PCDHGA9: variants seen among roughly 807,000 people sequenced by gnomAD.
The protein encoded by PCDHGA9 is protocadherin gamma subfamily A, 9.
Under a neutral mutation model 62.5 loss-of-function variants are expected in PCDHGA9, and 37 were observed. That is an observed-to-expected ratio of 0.59 (90% confidence interval 0.46 to 0.78). PCDHGA9 has a LOEUF of 0.78. Among genes scored for constraint, PCDHGA9 ranks in the 30% least tolerant of loss-of-function variants. The probability of loss-of-function intolerance (pLI) is 0.00; values close to 1 mark genes in which losing one functional copy is unlikely to be tolerated. For missense variants in PCDHGA9, 1,138 were observed against 1,166.2 expected, an observed-to-expected ratio of 0.98 and a Z score of 0.35; for synonymous variants, 459 against 484.6, an observed-to-expected ratio of 0.95 and a Z score of 0.69.
intron 1 of PCDHGA9, chr5:141,415,744 T>TTTG (rs2095926305): frequency 2.5e-6 from 1 of 404,416 alleles, no homozygotes; most frequent in South Asian, 6.6e-5. Context: ...ATTAAGGTTT[T>TTTG]TTTTTTTTTT....
At chr5:141,510,040 G>A (rs2099879305) in intron 3 of PCDHGA9, among the ~76,000 whole-genome samples, 1 of 152,220 alleles carries the variant, frequency 6.6e-6, no homozygotes, top group Non-Finnish European at 1.5e-5. Flanking sequence ...GTTATGTAGA[G>A]GTTAAAAGTG....
intron 1 of PCDHGA9, among the ~76,000 whole-genome samples, chr5:141,467,087 C>T (rs1159093881): frequency 3.4e-5 from 5 of 147,240 alleles, no homozygotes; most frequent in African/African-American, 1.3e-4. Context: ...AAGTCTCACT[C>T]TGTCACACAG....
chr5:141,464,622 CT>C (rs947370342), intron 1 of PCDHGA9, among the ~76,000 whole-genome samples: 8 of 152,058 alleles, frequency 5.3e-5, no homozygotes, highest in African/African-American at 1.9e-4. Flanking sequence ...TATTGTCAAG[CT>C]TTTTAATTGT....
Position 141,403,339 on chromosome 5 carries a change from C to A in PCDHGA9, c.387C>A (p.Ser129Arg). 2 of 1,614,010 alleles carry A rather than the reference C, an allele frequency of 1.2e-6. No homozygotes were observed. Among genetic ancestry groups the A allele is most frequent in the Non-Finnish European group, 1.7e-6 (2 of 1,179,898 alleles). Residue 129 changes from serine (S) to arginine (R), a missense_variant, in exon 1 of 4, where the codon AGC (serine) becomes AGA (arginine). Transcript: ENST00000573521. ...TAGAAGTAACTGATATTAACGACAG[C>A]GCCCCAAAGTTCCAGGCCGAAAGTC... Reference protein sequence around the residue: ...IEIEVTDINDSAPKFQAESLE... With the variant: ...IEIEVTDINDRAPKFQAESLE...
chr5:141,511,358 G>T lies in PCDHGA9; in HGVS notation c.*185G>T, dbSNP rs905197337. 1.5e-6 allele frequency: 2 copies of T among 1,355,398 alleles called. No homozygotes were observed. Among genetic ancestry groups the T allele is most frequent in the East Asian group, 2.5e-5 (1 of 39,588 alleles). The allele number at this position is 1,355,398 out of a possible 1,614,324, so 84.0% of individuals were successfully genotyped here. ...GCACCTACCCCTTCCCCCCCAGGGGGTTGAATATGCAAAAGCAGTTCCGCT... is the reference window on the plus strand; with the variant it reads ...GCACCTACCCCTTCCCCCCCAGGGGTTTGAATATGCAAAAGCAGTTCCGCT... On this transcript the variant is annotated 3_prime_UTR_variant, in exon 4 of 4. Coordinates refer to ENST00000573521, the MANE Select transcript of PCDHGA9 (RefSeq NM_018921.3).
Position 141,485,863 on chromosome 5 carries a change from A to G in PCDHGA9, c.2425-8944A>G, listed in dbSNP as rs770864367. 78 of 1,614,054 alleles carry G rather than the reference A, an allele frequency of 4.8e-5. No individual in the cohort carries two copies. Among genetic ancestry groups the G allele is most frequent in the Non-Finnish European group, 6.0e-5 (71 of 1,180,040 alleles). ...GATCTGGCACCGCAGAGCTCCGGGT[A>G]TCCGTGCTGGACGTAAACGACAACG... On this transcript the variant is annotated intron_variant, in intron 1 of 3. Coordinates refer to ENST00000573521, the MANE Select transcript of PCDHGA9 (RefSeq NM_018921.3). The surrounding 1 kb of genome is among the most constrained non-coding windows in gnomAD (Gnocchi z 5.7).
Position 141,403,174 on chromosome 5 carries a change from T to C in PCDHGA9, c.222T>C (p.Leu74=). 3 of 1,614,000 alleles carry C rather than the reference T, an allele frequency of 1.9e-6. No individual in the cohort carries two copies. Among genetic ancestry groups the C allele is most frequent in the Non-Finnish European group, 2.5e-6 (3 of 1,179,904 alleles). Residue 74 remains leucine (L), a synonymous_variant, in exon 1 of 4, where the codon CTT becomes CTC. Transcript: ENST00000573521. ...VRIVSRGRTQ[L]FSLNPRSGTL... is the part of the protein sequence containing the mutation. ...TCGTCTCTAGAGGTAGGACGCAGCT[T>C]TTCTCTCTGAACCCGCGCAGCGGCA...
At chr5:141,410,312 C>T (rs754522489) in intron 1 of PCDHGA9, 9 of 1,614,036 alleles carry the variant, frequency 5.6e-6, no homozygotes, top group South Asian at 3.3e-5. Context: ...AGTGCTCTTC[C>T]TCCTCGCCGT....
chr5:141,431,513 C>G lies in PCDHGA9; in HGVS notation c.2424+26137C>G. ...TCAGCCCGAGTACCGCGCGAGCGTT[C>G]CGGAGAATCTGGCCTTGGGCACGCA... On this transcript the variant is annotated intron_variant, in intron 1 of 3. Transcript: ENST00000573521. The surrounding 1 kb of genome is among the most constrained non-coding windows in gnomAD (Gnocchi z 4.8). 6.2e-7 allele frequency: 1 copy of G among 1,614,022 alleles called. No homozygotes were observed. Among genetic ancestry groups the G allele is most frequent in the South Asian group, 1.1e-5 (1 of 91,088 alleles).
chr5:141,505,681 G>A (rs113733387), intron 3 of PCDHGA9, among the ~76,000 whole-genome samples, 200 bp downstream of exon 3: 92 of 152,324 alleles, frequency 6.0e-4, no homozygotes, highest in African/African-American at 2.1e-3. Flanking sequence ...GGGGTCCTGG[G>A]ATGCCTGGAG....
chr5:141,441,517 G>A (rs1316654534), intron 1 of PCDHGA9: 1 of 172,138 alleles, frequency 5.8e-6, no homozygotes, highest in South Asian at 1.3e-4. Flanking sequence ...CGTCGTCCAC[G>A]TGGCCAAGAA....
chr5:141,486,322 A>G lies in PCDHGA9; in HGVS notation c.2425-8485A>G. The G allele has an allele frequency of 1.9e-6, 3 of 1,613,926 alleles. No homozygotes were observed. The highest frequency in any genetic ancestry group is 2.5e-6 in the Non-Finnish European group (3 of 1,179,962). On this transcript the variant is annotated intron_variant, in intron 1 of 3. Coordinates refer to ENST00000573521, the MANE Select transcript of PCDHGA9 (RefSeq NM_018921.3). This position sits in a 1 kb window ranked among gnomAD's most constrained non-coding sequence, Gnocchi z 5.0. ...AGGATCCAGACTCAGGGTCAAACGG[A>G]GATGTGAGCCTCCGCATTCCTGACC...
intron 1 of PCDHGA9, among the ~76,000 whole-genome samples, chr5:141,452,579 A>G (rs1320327475): frequency 6.6e-6 from 1 of 151,944 alleles, no homozygotes; most frequent in Non-Finnish European, 1.5e-5. Context: ...CCCCCTTTCC[A>G]TCTTTGTATT....
At chr5:141,421,079 T>A (rs2096545177) in intron 1 of PCDHGA9, 1 of 630,528 alleles carries the variant, frequency 1.6e-6, no homozygotes, top group Non-Finnish European at 2.7e-6. Context: ...AGATGGATAC[T>A]CACAGATCCT....
At chr5:141,479,358 GC>G (rs2154577546) in intron 1 of PCDHGA9, 1 of 152,584 alleles carries the variant, frequency 6.6e-6, no homozygotes, top group Non-Finnish European at 1.5e-5. Flanking sequence ...GCTGCTCAGT[GC>G]CTGAGGTGGG....
intron 1 of PCDHGA9, chr5:141,478,217 G>A: frequency 2.5e-6 from 4 of 1,614,094 alleles, no homozygotes. Flanking sequence ...TCTAATCCTG[G>A]TTTCTGTGGG....
Position 141,486,059 on chromosome 5 carries a change from C to A in PCDHGA9, c.2425-8748C>A. On this transcript the variant is annotated intron_variant, in intron 1 of 3. Transcript: ENST00000573521. This position sits in a 1 kb window ranked among gnomAD's most constrained non-coding sequence, Gnocchi z 5.0. ...TCGTGTAAGAAACCTCTTTAGCCTG[C>A]ACCCCACTACTGGAAAGCTTACTCT... 1 of 1,614,152 alleles carries A rather than the reference C, an allele frequency of 6.2e-7. No homozygotes were observed. Among genetic ancestry groups the A allele is most frequent in the Non-Finnish European group, 8.5e-7 (1 of 1,180,010 alleles).
At chr5:141,434,453 T>C (rs1172243323) in intron 1 of PCDHGA9, among the ~76,000 whole-genome samples, 1 of 152,226 alleles carries the variant, frequency 6.6e-6, no homozygotes, top group Non-Finnish European at 1.5e-5. Context: ...TGGAAGGTAG[T>C]GGGTTTACCG....
At chr5:141,426,453 G>A (rs902416171) in intron 1 of PCDHGA9, 4 of 310,612 alleles carry the variant, frequency 1.3e-5, no homozygotes, top group African/African-American at 8.6e-5. Flanking sequence ...ACATGCGGCT[G>A]CATGTTCAGG....
Sources: allele counts gnomAD v4.1 joint callset (sites outside exome capture counted in the v4.1 genomes callset), GRCh38; gene constraint gnomAD v4.1.1; non-coding constraint Gnocchi (gnomAD v3.1); transcripts MANE v1.5; gene names NCBI Gene and HGNC (gene_info 2026-07-23, HGNC 2026-07-21).